The following NALF1 variants were observed in gnomAD, a reference collection of about 807,000 sequenced individuals.
NALF1 encodes family with sequence similarity 155 member A.
In NALF1, 3 loss-of-function variants were observed where a neutral mutation model predicts 48.4. That is an observed-to-expected ratio of 0.06 (90% confidence interval 0.03 to 0.16). The LOEUF is 0.16. Ranked by LOEUF, NALF1 falls within the 10% of genes least tolerant of loss-of-function variation. The probability of loss-of-function intolerance (pLI) is 1.00; values close to 1 mark genes in which losing one functional copy is unlikely to be tolerated. For missense variants in NALF1, 526 were observed against 571.5 expected (o/e 0.92, Z 0.81); for synonymous variants, 262 against 245.7 (o/e 1.07, Z -0.62).
chr13:107,550,305 A>T (rs1877255617), intron 1 of NALF1, among the ~76,000 whole-genome samples: 1 of 152,116 alleles, frequency 6.6e-6, no homozygotes, highest in Non-Finnish European at 1.5e-5. Flanking sequence ...CCTTGGGCTA[A>T]GGACTTCTCT....
At chr13:107,194,089 T>C (rs1879344098) in intron 2 of NALF1, among the ~76,000 whole-genome samples, 1 of 152,188 alleles carries the variant, frequency 6.6e-6, no homozygotes, top group African/African-American at 2.4e-5. Flanking sequence ...ATGAATAATA[T>C]ACCTTGATGT....
At chr13:107,436,360 T>C in intron 1 of NALF1, among the ~76,000 whole-genome samples, 1 of 152,208 alleles carries the variant, frequency 6.6e-6, no homozygotes, top group Non-Finnish European at 1.5e-5. Context: ...GTAACCATTA[T>C]GACTAAGTGG....
chr13:107,564,235 C>T (rs1470231456), intron 1 of NALF1, among the ~76,000 whole-genome samples: 1 of 152,152 alleles, frequency 6.6e-6, no homozygotes, highest in Non-Finnish European at 1.5e-5. Flanking sequence ...ATTTCAAGGA[C>T]TTTGTAGCTA....
chr13:107,815,847 G>A (rs780990966), intron 1 of NALF1, among the ~76,000 whole-genome samples: 1 of 152,122 alleles, frequency 6.6e-6, no homozygotes, highest in Non-Finnish European at 1.5e-5. Context: ...AACATTGATG[G>A]ACCTTGGAAA....
At chr13:107,750,524 T>C (rs1373630513) in intron 1 of NALF1, among the ~76,000 whole-genome samples, 1 of 151,188 alleles carries the variant, frequency 6.6e-6, no homozygotes, top group African/African-American at 2.4e-5. Context: ...TTTTAAAAGA[T>C]TGAGAAAGAA....
rs79290722 is a variant in NALF1, at chr13:107,736,291, C to T, written c.915+129391G>A. On this transcript the variant is annotated intron_variant, in intron 1 of 2. Transcript: ENST00000375915. ...GTGTTTGTTAGAAACGTGGACACTT[C>T]TGTAACAGAGTGCAGTGGCGGCGGC... Among the ~76,000 whole-genome samples the T allele has an allele frequency of 6.5e-3, 987 of 152,182 alleles. 10 individuals are homozygous for T. Among genetic ancestry groups the T allele is most frequent in the Non-Finnish European group, 8.1e-3 (549 of 68,014 alleles).
At chr13:107,782,496 G>A (rs566808130) in intron 1 of NALF1, among the ~76,000 whole-genome samples, 4 of 152,220 alleles carry the variant, frequency 2.6e-5, no homozygotes, top group Admixed American at 6.5e-5. Context: ...AGTGAGGAGC[G>A]TCTCTGCCTG....
intron 1 of NALF1, among the ~76,000 whole-genome samples, chr13:107,470,994 A>G (rs1004508385): frequency 3.3e-5 from 5 of 152,324 alleles, no homozygotes; most frequent in Non-Finnish European, 7.4e-5. Context: ...GAGCAAGAAA[A>G]ATCATTCCCA....
At chr13:107,621,867 G>A (rs981495011) in intron 1 of NALF1, among the ~76,000 whole-genome samples, 1 of 152,080 alleles carries the variant, frequency 6.6e-6, no homozygotes, top group African/African-American at 2.4e-5. Context: ...TAACTGAGTC[G>A]GGCAGGGCTC....
chr13:107,592,419 T>C (rs1878624991), intron 1 of NALF1, among the ~76,000 whole-genome samples: 1 of 151,942 alleles, frequency 6.6e-6, no homozygotes, highest in Non-Finnish European at 1.5e-5. Flanking sequence ...ATTCCAACTA[T>C]TTTTATTATA....
intron 1 of NALF1, among the ~76,000 whole-genome samples, chr13:107,531,566 T>C (rs1876641196): frequency 6.6e-6 from 1 of 152,164 alleles, no homozygotes; most frequent in Non-Finnish European, 1.5e-5. Context: ...AATGGTCTAA[T>C]ATAATCAGTG....
intron 1 of NALF1, among the ~76,000 whole-genome samples, chr13:107,397,031 C>A (rs1408884972): frequency 2.0e-5 from 3 of 152,182 alleles, no homozygotes; most frequent in African/African-American, 7.2e-5. Context: ...GAGGATAGAG[C>A]ACTACCCTTG....
intron 1 of NALF1, among the ~76,000 whole-genome samples, chr13:107,335,471 C>G (rs945510345): frequency 1.3e-5 from 2 of 152,108 alleles, no homozygotes; most frequent in Non-Finnish European, 2.9e-5. Flanking sequence ...CTATTAAATC[C>G]CACAGAGAAA....
chr13:107,531,655 A>G (rs1202797550), intron 1 of NALF1, among the ~76,000 whole-genome samples: 1 of 152,054 alleles, frequency 6.6e-6, no homozygotes, highest in East Asian at 1.9e-4. Flanking sequence ...TTAAACTCAC[A>G]TTAAATGTTT....
intron 1 of NALF1, among the ~76,000 whole-genome samples, chr13:107,733,110 C>T (rs975035970): frequency 4.0e-5 from 6 of 151,118 alleles, no homozygotes; most frequent in Admixed American, 1.3e-4. Flanking sequence ...GTAAATATAT[C>T]GGACATTTCT....
chr13:107,338,598 G>C (rs1882605078), intron 1 of NALF1, among the ~76,000 whole-genome samples: 1 of 152,078 alleles, frequency 6.6e-6, no homozygotes, highest in South Asian at 2.1e-4. Context: ...GTAAAATAAA[G>C]ACAATAATTG....
At chr13:107,540,049 T>TACACACACACACACACACACAC (rs143201791) in intron 1 of NALF1, among the ~76,000 whole-genome samples, 42 of 149,512 alleles carry the variant, frequency 2.8e-4, no homozygotes, top group Middle Eastern at 3.5e-3. Flanking sequence ...GCTTCTGATG[T>TACACACACACACACACACACAC]ACACACACAC....
intron 1 of NALF1, among the ~76,000 whole-genome samples, chr13:107,416,611 C>T (rs944162632): frequency 6.6e-6 from 1 of 151,688 alleles, no homozygotes; most frequent in Admixed American, 6.6e-5. Context: ...ATACATACAA[C>T]ACACAAAACA....
At chr13:107,556,296 TACAC>T (rs71121533) in intron 1 of NALF1, among the ~76,000 whole-genome samples, 97 of 98,558 alleles carry the variant, frequency 9.8e-4, no homozygotes, top group African/African-American at 3.4e-3. Context: ...TATATATATA[TACAC>T]ACACACACAC....
Sources: allele counts gnomAD v4.1 joint callset (sites outside exome capture counted in the v4.1 genomes callset), GRCh38; gene constraint gnomAD v4.1.1; transcripts MANE v1.5; gene names NCBI Gene and HGNC (gene_info 2026-07-23, HGNC 2026-07-21).